Variants in ZFHX3 observed in about 807,000 individuals in gnomAD.
The protein encoded by ZFHX3 is zinc finger homeobox 3, also known as zinc finger homeobox protein 3.
Under a neutral mutation model 279.1 loss-of-function variants are expected in ZFHX3, and 42 were observed. That is an observed-to-expected ratio of 0.15 (90% CI 0.12 to 0.19). The LOEUF is 0.19. Among genes scored for constraint, ZFHX3 ranks in the 10% least tolerant of loss-of-function variants. The pLI is 1.00. For synonymous variants in ZFHX3, 2,293 were observed against 1,957.8 expected (o/e 1.17, Z -4.52); for missense variants, 4,981 against 4,754.0 (o/e 1.05, Z -1.40).
intron 2 of ZFHX3, among the ~76,000 whole-genome samples, chr16:73,543,092 G>A (rs1258744405): frequency 1.3e-5 from 2 of 152,126 alleles, no homozygotes; most frequent in African/African-American, 4.8e-5. Flanking sequence ...GAGGAGGCTC[G>A]GCTCGGGCAG....
chr16:73,276,041 C>A (rs954977711), intron 4 of ZFHX3, among the ~76,000 whole-genome samples: 13 of 151,782 alleles, frequency 8.6e-5, no homozygotes, highest in African/African-American at 3.1e-4. Context: ...AGCGTCCATG[C>A]CCCATTTTTA....
chr16:73,283,180 A>G (rs2014501036), intron 4 of ZFHX3, among the ~76,000 whole-genome samples: 1 of 152,216 alleles, frequency 6.6e-6, no homozygotes, highest in African/African-American at 2.4e-5. Flanking sequence ...CTGTGTTCCA[A>G]GAAAACTTTG....
At position 73,330,594 on chromosome 16, in the gene ZFHX3, G is replaced by T. The variant is rs554048043; in HGVS notation, c.-1290-12258C>A. On this transcript the variant is annotated intron_variant, in intron 3 of 17. Transcript: ENST00000641206. ...GACACAGATGGCCTGGCTGAACTTT[G>T]AAGTGGGCTTGAGCAAGAAAAAGCT... 8.2e-3 allele frequency among the ~76,000 whole-genome samples: 1,256 copies of T among 152,334 alleles called. 16 individuals carry two copies. The highest frequency in any genetic ancestry group is 0.029 in the African/African-American group (1,198 of 41,568).
chr16:72,951,935 T>C (rs927576691), intron 2 of ZFHX3, among the ~76,000 whole-genome samples: 4 of 152,212 alleles, frequency 2.6e-5, no homozygotes, highest in African/African-American at 7.2e-5. Context: ...CTGGGTTGGA[T>C]AGTGCATCTC....
At chr16:73,227,503 T>C (rs1018305351) in intron 5 of ZFHX3, among the ~76,000 whole-genome samples, 3 of 152,082 alleles carry the variant, frequency 2.0e-5, no homozygotes, top group Admixed American at 2.0e-4. Context: ...AGAAAAGGAA[T>C]TGATTTGGTC....
chr16:73,607,563 A>G (rs1285175011), intron 2 of ZFHX3, among the ~76,000 whole-genome samples: 3 of 152,218 alleles, frequency 2.0e-5, no homozygotes, highest in African/African-American at 7.2e-5. Flanking sequence ...ATCCCTAATT[A>G]TCCAACATGA....
At chr16:72,954,688 G>A (rs958339577) in intron 2 of ZFHX3, among the ~76,000 whole-genome samples, 3 of 152,156 alleles carry the variant, frequency 2.0e-5, no homozygotes, top group South Asian at 2.1e-4. Context: ...CTTCAGAGTC[G>A]AAAGGAAGGT....
intron 1 of ZFHX3, among the ~76,000 whole-genome samples, chr16:73,802,253 C>T (rs1393864877): frequency 6.6e-6 from 1 of 152,078 alleles, no homozygotes; most frequent in East Asian, 1.9e-4. Context: ...TTCTGATGAC[C>T]TCTTCAGGAA....
At chr16:72,822,795 G>GTTTTTTTTTTTTTTT (rs11365314) in intron 5 of ZFHX3, among the ~76,000 whole-genome samples, 1 of 90,438 alleles carries the variant, frequency 1.1e-5, no homozygotes, top group Non-Finnish European at 2.1e-5. Context: ...TAGAAAGTGA[G>GTTTTTTTTTTTTTTT]TTTTTTTTTT....
chr16:73,883,699 G>C (rs922879051), intron 1 of ZFHX3, among the ~76,000 whole-genome samples: 4 of 151,838 alleles, frequency 2.6e-5, no homozygotes, highest in African/African-American at 9.7e-5. Flanking sequence ...GATTTCCTAA[G>C]TGAATATTTT....
At chr16:73,187,367 A>T (rs765083767) in intron 5 of ZFHX3, among the ~76,000 whole-genome samples, 11 of 150,376 alleles carry the variant, frequency 7.3e-5, no homozygotes, top group Non-Finnish European at 1.3e-4. Flanking sequence ...AATTGGGCTG[A>T]TGCAAACAGC....
intron 7 of ZFHX3, among the ~76,000 whole-genome samples, chr16:73,116,407 T>C (rs1022776928): frequency 6.6e-5 from 10 of 151,694 alleles, no homozygotes; most frequent in Admixed American, 2.6e-4. Context: ...GGAATGAGAG[T>C]TTGAACCAGA....
chr16:73,655,196 T>C (rs1484638636), intron 2 of ZFHX3, among the ~76,000 whole-genome samples: 1 of 152,160 alleles, frequency 6.6e-6, no homozygotes, highest in Non-Finnish European at 1.5e-5. Flanking sequence ...TACTGAGATT[T>C]CCTCATTTCG....
At chr16:73,168,144 T>C (rs1171659191) in intron 5 of ZFHX3, among the ~76,000 whole-genome samples, 3 of 152,220 alleles carry the variant, frequency 2.0e-5, no homozygotes, top group Non-Finnish European at 4.4e-5. Flanking sequence ...TTACTTTTGT[T>C]TCAAAAGACT....
intron 5 of ZFHX3, among the ~76,000 whole-genome samples, chr16:73,152,947 G>C (rs1467715997): frequency 3.3e-5 from 5 of 152,076 alleles, no homozygotes; most frequent in Admixed American, 3.3e-4. Context: ...GGCTGAGCCG[G>C]GTCACAAGTG....
rs1230695575 is a variant in ZFHX3, at chr16:73,349,139, G to GTGTC, written c.-1290-30807_-1290-30804dup. On this transcript the variant is annotated intron_variant, in intron 3 of 17. Transcript: ENST00000641206. ...TCAGGGATCTCCCGAGGGATCTCTT[G>GTGTC]TGTCTTCCTGCTACCTCTAGACTTT... 2.6e-5 allele frequency among the ~76,000 whole-genome samples: 4 copies of GTGTC among 152,260 alleles called. No individual in the cohort carries two copies. In the South Asian group the frequency reaches 6.2e-4, roughly 24 times the overall value.
intron 4 of ZFHX3, among the ~76,000 whole-genome samples, chr16:73,292,157 A>G (rs2014787865): frequency 6.6e-6 from 1 of 152,224 alleles, no homozygotes; most frequent in Admixed American, 6.5e-5. Context: ...TCAAAGGGAA[A>G]CACTGCCCAT....
intron 3 of ZFHX3, among the ~76,000 whole-genome samples, chr16:72,897,730 C>T (rs568866692): frequency 1.3e-5 from 2 of 152,132 alleles, no homozygotes; most frequent in South Asian, 2.1e-4. Context: ...TGTAAGTCAC[C>T]GCACCCAGCC....
chr16:73,109,619 C>T lies in ZFHX3; in HGVS notation c.-896-16021G>A, dbSNP rs995520307. 2.0e-5 allele frequency among the ~76,000 whole-genome samples: 3 copies of T among 152,148 alleles called. No homozygotes were observed. In the East Asian group the frequency reaches 5.8e-4, roughly 29 times the overall value. On this transcript the variant is annotated intron_variant, in intron 7 of 17. Transcript: ENST00000641206. ...GTGCCTGTAATTTGGGAGGCCAAGGCAGGTGAATTGCTTGAGGCCAGCAGT... is the reference window on the plus strand; with the variant it reads ...GTGCCTGTAATTTGGGAGGCCAAGGTAGGTGAATTGCTTGAGGCCAGCAGT...
Sources: gnomAD v4.1 joint callset for allele counts (sites outside exome capture counted in the v4.1 genomes callset) on GRCh38, gnomAD v4.1.1 for gene constraint, MANE v1.5 for transcripts, NCBI Gene and HGNC (gene_info 2026-07-23, HGNC 2026-07-21) for gene names.